BLTP1: variants seen among roughly 807,000 people sequenced by gnomAD.
The protein encoded by BLTP1 is fragile site-associated protein.
At chr4:122,200,509 G>A in the BLTP1 span, 1 of 851,136 alleles carries the variant, frequency 1.2e-6, no homozygotes, top group South Asian at 5.3e-5. Flanking sequence ...GAAGCTGGGA[G>A]GCGGAGGTTG....
the BLTP1 span, among the ~76,000 whole-genome samples, chr4:122,205,580 C>G: frequency 2.0e-5 from 3 of 150,574 alleles, no homozygotes; most frequent in Non-Finnish European, 3.0e-5. Flanking sequence ...CCCTCTCTCT[C>G]TCTCTCTCTA....
the BLTP1 span, among the ~76,000 whole-genome samples, chr4:122,326,869 G>T: frequency 1.3e-5 from 2 of 151,612 alleles, no homozygotes; most frequent in Non-Finnish European, 3.0e-5. Flanking sequence ...TGTTCTAACA[G>T]TCTAATTTAC....
At chr4:122,170,527 T>C in the BLTP1 span, 1 of 1,353,320 alleles carries the variant, frequency 7.4e-7, no homozygotes, top group East Asian at 3.0e-5. Flanking sequence ...CAACTTCGTT[T>C]ATTAAATTCA....
the BLTP1 span, chr4:122,220,528 G>T: frequency 7.0e-7 from 1 of 1,421,494 alleles, no homozygotes; most frequent in African/African-American, 1.5e-5. Context: ...TATTTATTGG[G>T]TTAAAACAAT....
the BLTP1 span, chr4:122,356,937 C>T: frequency 2.0e-6 from 2 of 984,202 alleles, no homozygotes; most frequent in Non-Finnish European, 2.4e-6. Context: ...ATATACAGCA[C>T]CAATGGTGTT....
the BLTP1 span, chr4:122,264,165 G>A: frequency 1.4e-6 from 2 of 1,408,906 alleles, no homozygotes; most frequent in South Asian, 3.9e-5. Flanking sequence ...TACTATACAG[G>A]CTTCAAAAGT....
the BLTP1 span, among the ~76,000 whole-genome samples, chr4:122,158,917 T>C: frequency 6.6e-6 from 1 of 152,246 alleles, no homozygotes; most frequent in African/African-American, 2.4e-5. Flanking sequence ...TTCTTCGATA[T>C]ATAAGCATGA....
chr4:122,288,989 T>C, the BLTP1 span: 8 of 1,298,364 alleles, frequency 6.2e-6, no homozygotes, highest in African/African-American at 1.1e-4. Flanking sequence ...CATATAGAGA[T>C]AATTATCTCT....
the BLTP1 span, chr4:122,154,441 T>G: frequency 1.0e-6 from 1 of 985,306 alleles, no homozygotes; most frequent in Non-Finnish European, 1.2e-6. Flanking sequence ...GATACCTGAT[T>G]GACAAATTAA....
At chr4:122,275,127 G>C in the BLTP1 span, among the ~76,000 whole-genome samples, 1 of 152,052 alleles carries the variant, frequency 6.6e-6, no homozygotes, top group Non-Finnish European at 1.5e-5. Flanking sequence ...TTCAAGAAAG[G>C]CAGGAAATTC....
the BLTP1 span, chr4:122,207,225 A>G: frequency 1.9e-6 from 3 of 1,611,996 alleles, no homozygotes; most frequent in South Asian, 3.3e-5. Flanking sequence ...CTGCTAATCA[A>G]CACAATTGGA....
the BLTP1 span, among the ~76,000 whole-genome samples, chr4:122,203,078 A>C: frequency 5.3e-5 from 8 of 152,000 alleles, no homozygotes; most frequent in Non-Finnish European, 1.5e-5. Context: ...CAACTACTAG[A>C]GAATAATATT....
At chr4:122,192,349 T>G in the BLTP1 span, 1 of 1,613,050 alleles carries the variant, frequency 6.2e-7, no homozygotes, top group Non-Finnish European at 8.5e-7. Context: ...GGAACAGATT[T>G]TAATTATGGA....
At chr4:122,269,308 C>G in the BLTP1 span, 2 of 513,432 alleles carry the variant, frequency 3.9e-6, no homozygotes, top group South Asian at 1.7e-4. Flanking sequence ...TAGCTGTAGC[C>G]TATTTATTGG....
the BLTP1 span, among the ~76,000 whole-genome samples, chr4:122,252,612 A>T: frequency 6.6e-6 from 1 of 152,174 alleles, no homozygotes; most frequent in African/African-American, 2.4e-5. Flanking sequence ...GTCTTGTGAT[A>T]TGAGTGCCAG....
At chr4:122,308,056 C>T in the BLTP1 span, 1 of 1,613,482 alleles carries the variant, frequency 6.2e-7, no homozygotes, top group Non-Finnish European at 8.5e-7. Context: ...AGTAGATATG[C>T]TACCTGGTAT....
At chr4:122,240,528 TTAAG>T in the BLTP1 span, among the ~76,000 whole-genome samples, 1 of 152,188 alleles carries the variant, frequency 6.6e-6, no homozygotes, top group Non-Finnish European at 1.5e-5. Context: ...TATTAGAAAT[TTAAG>T]TAAATTAAAT....
chr4:122,261,826 T>C, the BLTP1 span: 1 of 985,214 alleles, frequency 1.0e-6, no homozygotes, highest in Non-Finnish European at 1.2e-6. Context: ...GTTGTGAGTG[T>C]TCTTTTACTT....
At chr4:122,172,940 A>G in the BLTP1 span, 2 of 1,580,616 alleles carry the variant, frequency 1.3e-6, no homozygotes, top group Non-Finnish European at 1.7e-6. Flanking sequence ...AGTATAATCA[A>G]CCTCTGGTTT....
Sources: allele counts gnomAD v4.1 joint callset (sites outside exome capture counted in the v4.1 genomes callset), GRCh38; gene constraint gnomAD v4.1.1; transcripts MANE v1.5; gene names NCBI Gene and HGNC (gene_info 2026-07-23, HGNC 2026-07-21).